Variants in WAC observed in about 807,000 individuals in gnomAD.
The protein encoded by WAC is WW domain-containing adapter protein with coiled-coil.
WAC carries 11 observed loss-of-function variants against 79.6 expected under a neutral mutation model. The observed-to-expected ratio is 0.14, with a 90% CI of 0.09 to 0.23. The LOEUF (loss-of-function observed/expected upper bound fraction) is 0.23, where lower values mean the gene tolerates loss of function less well. Ranked by LOEUF, WAC falls within the 10% of genes least tolerant of loss-of-function variation. The pLI is 1.00. For synonymous variants in WAC, 304 were observed against 276.9 expected, an observed-to-expected ratio of 1.10 and a Z score of -0.97; for missense variants, 728 against 773.5, an observed-to-expected ratio of 0.94 and a Z score of 0.70.
chr10:28,551,820 T>TGTGTG (rs1564380042), intron 3 of WAC, among the ~76,000 whole-genome samples: 6 of 53,744 alleles, frequency 1.1e-4, no homozygotes, highest in Admixed American at 2.1e-4. Flanking sequence ...GTGTGTGTGT[T>TGTGTG]TCTTTTTTTT....
At chr10:28,552,034 A>G (rs1214815553) in intron 3 of WAC, among the ~76,000 whole-genome samples, 1 of 152,126 alleles carries the variant, frequency 6.6e-6, no homozygotes, top group African/African-American at 2.4e-5. Context: ...GCTGGTCTCA[A>G]ACTCCTGACC....
At chr10:28,580,142 C>A (rs543565021) in intron 3 of WAC, among the ~76,000 whole-genome samples, 1 of 152,158 alleles carries the variant, frequency 6.6e-6, no homozygotes. Context: ...CAACTGATTC[C>A]GTTTTCTCTT....
chr10:28,592,563 G>A (rs1397491849), intron 6 of WAC, among the ~76,000 whole-genome samples: 1 of 152,136 alleles, frequency 6.6e-6, no homozygotes, highest in Non-Finnish European at 1.5e-5. Flanking sequence ...GGAGGTTGCT[G>A]TGACCTGAGA....
intron 2 of WAC, chr10:28,534,480 C>G (rs879802417): frequency 6.3e-6 from 1 of 159,110 alleles, no homozygotes; most frequent in Non-Finnish European, 1.4e-5. Flanking sequence ...TTATAAAGTA[C>G]TACCCTTTCC....
Position 28,573,240 on chromosome 10 carries a change from A to G in WAC, c.275-10159A>G, listed in dbSNP as rs144435896. On this transcript the variant is annotated intron_variant, in intron 3 of 13. Coordinates refer to ENST00000354911, the MANE Select transcript of WAC (RefSeq NM_016628.5). ...TTAAAAATCGAGATGAAATTCACATAACAATTGTCATCTCCCCCCCAAAAT... is the reference window on the plus strand; with the variant it reads ...TTAAAAATCGAGATGAAATTCACATGACAATTGTCATCTCCCCCCCAAAAT... Among the ~76,000 whole-genome samples the G allele has an allele frequency of 7.8e-4, 118 of 152,240 alleles. No homozygotes were observed. In the Middle Eastern group the frequency reaches 0.01, roughly 13 times the overall value.
chr10:28,541,415 G>GTGTGTTTTTTTTTT (rs1212601285), intron 3 of WAC, among the ~76,000 whole-genome samples: 4 of 37,904 alleles, frequency 1.1e-4, no homozygotes, highest in Non-Finnish European at 8.5e-5. Context: ...GTGTGTGTGT[G>GTGTGTTTTTTTTTT]TTTTGTTTTT....
chr10:28,601,286 G>A (rs1840635391), intron 7 of WAC, among the ~76,000 whole-genome samples: 1 of 152,092 alleles, frequency 6.6e-6, no homozygotes. Context: ...AAGATATCCT[G>A]GTGGCCAGTA....
At chr10:28,603,280 C>T (rs763194261) in intron 7 of WAC, among the ~76,000 whole-genome samples, 1 of 152,132 alleles carries the variant, frequency 6.6e-6, no homozygotes, top group Non-Finnish European at 1.5e-5. Flanking sequence ...AAATTTGTGT[C>T]GAGCCACATT....
chr10:28,563,769 T>TATTTTTA (rs1554781627), intron 3 of WAC, among the ~76,000 whole-genome samples: 1 of 120,554 alleles, frequency 8.3e-6, no homozygotes, highest in South Asian at 2.6e-4. Context: ...TTTTTTTTTT[T>TATTTTTA]TTTTGTATTT....
At chr10:28,543,228 C>T (rs934794592) in intron 3 of WAC, among the ~76,000 whole-genome samples, 1 of 152,170 alleles carries the variant, frequency 6.6e-6, no homozygotes, top group Non-Finnish European at 1.5e-5. Context: ...ATAGCAGCAC[C>T]GTCCAGTGGA....
intron 10 of WAC, among the ~76,000 whole-genome samples, chr10:28,614,176 G>A (rs1021871288): frequency 2.0e-5 from 3 of 151,844 alleles, no homozygotes; most frequent in Admixed American, 1.3e-4. Flanking sequence ...CGCGATCTCC[G>A]CTCACTGCAA....
At chr10:28,538,975 T>C (rs1317004649) in intron 3 of WAC, among the ~76,000 whole-genome samples, 1 of 152,028 alleles carries the variant, frequency 6.6e-6, no homozygotes, top group African/African-American at 2.4e-5. Flanking sequence ...TGTAAAAAAC[T>C]TAAGATTACA....
rs200450337 is a variant in WAC, at chr10:28,589,865, A to T, written c.497+14A>T. ...GTGGCTTGAAAGGTAATTAGCTTTT[A>T]ATCTAATTAAACATTATTTCTCTAG... On this transcript the variant is annotated intron_variant, in intron 5 of 13. Coordinates refer to ENST00000354911, the MANE Select transcript of WAC (RefSeq NM_016628.5). 191 of 1,538,806 alleles carry T rather than the reference A, an allele frequency of 1.2e-4. 1 individual carries two copies. In the East Asian group the frequency reaches 3.8e-3, roughly 31 times the overall value.
Position 28,611,769 on chromosome 10 carries a change from T to G in WAC, c.1289-5T>G. The G allele has an allele frequency of 6.2e-7, 1 of 1,606,770 alleles. No individual in the cohort carries two copies. Among genetic ancestry groups the G allele is most frequent in the Non-Finnish European group, 8.5e-7 (1 of 1,178,280 alleles). On this transcript the variant is annotated splice_polypyrimidine_tract_variant and splice_region_variant and intron_variant, in intron 9 of 13. Transcript: ENST00000354911. ...TTTAAAATTAATTGCTTCCCTCTTT[T>G]ACAGCCCAGCCATCTAATCAGTCTC...
intron 3 of WAC, among the ~76,000 whole-genome samples, chr10:28,575,548 C>T (rs975424271): frequency 2.0e-5 from 3 of 152,154 alleles, no homozygotes; most frequent in African/African-American, 7.2e-5. Context: ...AGTGTTATTT[C>T]CCTGCAGGTT....
intron 3 of WAC, among the ~76,000 whole-genome samples, chr10:28,570,162 TC>T (rs1430557879): frequency 6.6e-6 from 1 of 152,234 alleles, no homozygotes; most frequent in Non-Finnish European, 1.5e-5. Flanking sequence ...CTACCTTTTT[TC>T]TCTCTTTAAT....
At chr10:28,590,990 T>C (rs1840052587) in intron 6 of WAC, 158 bp downstream of exon 6, 1 of 671,066 alleles carries the variant, frequency 1.5e-6, no homozygotes, top group African/African-American at 1.8e-5. Flanking sequence ...ACCATTTTGG[T>C]CCCTGAAAAG....
intron 3 of WAC, among the ~76,000 whole-genome samples, chr10:28,569,360 T>G (rs538669217): frequency 1.8e-3 from 275 of 152,364 alleles, no homozygotes; most frequent in African/African-American, 6.3e-3. Context: ...AATTAGTTGT[T>G]AATGCTTTGT....
chr10:28,535,833 C>T, intron 3 of WAC, 76 bp downstream of exon 3: 1 of 1,279,768 alleles, frequency 7.8e-7, no homozygotes, highest in Non-Finnish European at 1.1e-6. Context: ...AGTAGTATTT[C>T]TAGCTTGAAG....
Sources: allele counts gnomAD v4.1 joint callset (sites outside exome capture counted in the v4.1 genomes callset), GRCh38; gene constraint gnomAD v4.1.1; transcripts MANE v1.5; gene names NCBI Gene and HGNC (gene_info 2026-07-23, HGNC 2026-07-21).